The following SLK variants were observed in gnomAD, a reference collection of about 807,000 sequenced individuals.
The protein encoded by SLK is STE20-like serine/threonine-protein kinase.
SLK carries 67 observed loss-of-function variants against 147.7 expected under a neutral mutation model. The observed-to-expected ratio is 0.45, with a 90% confidence interval of 0.37 to 0.56. SLK has a LOEUF of 0.56. Ranked by LOEUF, SLK falls within the 20% of genes least tolerant of loss-of-function variation. The pLI, the probability that SLK is intolerant of heterozygous loss-of-function variation, is 0.00. For synonymous variants in SLK, 441 were observed against 475.0 expected (o/e 0.93, Z 0.93); for missense variants, 1,136 against 1,438.8 (o/e 0.79, Z 3.41).
Position 103,990,784 on chromosome 10 carries a change from A to G in SLK, c.260A>G (p.Asp87Gly). The change falls in exon 2 of 19, where the codon GAT becomes GGT. Residue 87 changes from aspartate to glycine, a missense_variant. This residue lies in a region of SLK where 126 missense variants were observed against 141.3 expected (regional missense o/e 0.89). Transcript: ENST00000369755. ...MVEIDILASC[D>G]HPNIVKLLDA... ...GAGATTGACATATTAGCATCTTGTGATCACCCAAATATAGTCAAGCTTCTA... is the reference window on the plus strand; with the variant it reads ...GAGATTGACATATTAGCATCTTGTGGTCACCCAAATATAGTCAAGCTTCTA... 6.4e-7 allele frequency: 1 copy of G among 1,567,002 alleles called. No homozygotes were observed. The highest frequency in any genetic ancestry group is 8.6e-7 in the Non-Finnish European group (1 of 1,161,420).
intron 18 of SLK, among the ~76,000 whole-genome samples, chr10:104,022,462 CAAACTT>C (rs770252876): frequency 2.1e-4 from 32 of 152,188 alleles, no homozygotes; most frequent in Non-Finnish European, 3.7e-4. Context: ...CTTCGTTACT[CAAACTT>C]AAACCTTTGT....
At chr10:103,994,541 G>C (rs1022820297) in intron 4 of SLK, among the ~76,000 whole-genome samples, 1 of 152,026 alleles carries the variant, frequency 6.6e-6, no homozygotes, top group Non-Finnish European at 1.5e-5. Context: ...TGGGGGATGA[G>C]GGCAATATCA....
rs756872081 is a variant in SLK, at chr10:104,018,787, G to A, written c.3011G>A (p.Arg1004Gln). The change falls in exon 15 of 19, where the codon CGA becomes CAA. Residue 1004 changes from arginine (R) to glutamine (Q), a missense_variant. Arg to Gln is a conservative substitution (Grantham distance 43). This residue lies in a region of SLK where 327 missense variants were observed against 457.5 expected (regional missense o/e 0.71). Transcript: ENST00000369755. ...LNNKQQLMRA[R>Q]EAAIWELEER... Reference sequence around the variant, plus strand: ...TTTGAAAACTGCTGTCTTCTAGCTCGAGAAGCTGCAATTTGGGAGCTCGAA... The same window carrying A: ...TTTGAAAACTGCTGTCTTCTAGCTCAAGAAGCTGCAATTTGGGAGCTCGAA... 12 of 1,609,730 alleles carry A rather than the reference G, an allele frequency of 7.5e-6. No individual in the cohort carries two copies. The highest frequency in any genetic ancestry group is 1.0e-5 in the Non-Finnish European group (12 of 1,178,940).
At position 103,990,659 on chromosome 10, in the gene SLK, A is replaced by G. The variant is rs776442760; in HGVS notation, c.151-16A>G. On this transcript the variant is annotated splice_polypyrimidine_tract_variant and intron_variant, in intron 1 of 18. Coordinates refer to ENST00000369755, the MANE Select transcript of SLK (RefSeq NM_014720.4). Reference sequence around the variant, plus strand: ...ATGCATTTGAAATGTGACACTTCTGATACTTTCATTTTCAGGCCCAGAATA... The same window carrying G: ...ATGCATTTGAAATGTGACACTTCTGGTACTTTCATTTTCAGGCCCAGAATA... The G allele has an allele frequency of 6.7e-7, 1 of 1,498,920 alleles. No homozygotes were observed. The highest frequency in any genetic ancestry group is 8.9e-7 in the Non-Finnish European group (1 of 1,121,680). 92.9% of individuals were successfully genotyped at this position (1,498,920 alleles called of 1,614,324 possible).
chr10:103,988,472 A>T (rs1275794196), intron 1 of SLK, among the ~76,000 whole-genome samples: 1 of 43,554 alleles, frequency 2.3e-5, no homozygotes, highest in Non-Finnish European at 7.6e-5. Context: ...GATTTTTCAC[A>T]AAAAAAATTT....
Position 103,967,694 on chromosome 10 carries a change from C to G in SLK, c.-52C>G. 6.3e-7 allele frequency: 1 copy of G among 1,576,720 alleles called. No homozygotes were observed. Reference sequence around the variant, plus strand: ...GGAGAGCAGGGAAGAGAAACTTTGCCTTTTATTGTTTTTAGTCCTTAAGTG... The same window carrying G: ...GGAGAGCAGGGAAGAGAAACTTTGCGTTTTATTGTTTTTAGTCCTTAAGTG... On this transcript the variant is annotated 5_prime_UTR_variant, in exon 1 of 19. Coordinates refer to ENST00000369755, the MANE Select transcript of SLK (RefSeq NM_014720.4).
intron 7 of SLK, among the ~76,000 whole-genome samples, chr10:104,000,634 G>C (rs1216601167): frequency 7.2e-5 from 11 of 152,152 alleles, no homozygotes; most frequent in Admixed American, 5.9e-4. Context: ...GAGTAAAATG[G>C]CTTCTCATTC....
chr10:104,004,279 G>A (rs1458757097), intron 9 of SLK, among the ~76,000 whole-genome samples: 1 of 152,020 alleles, frequency 6.6e-6, no homozygotes, highest in Non-Finnish European at 1.5e-5. Context: ...CAAATTCCTA[G>A]GATTTTCTTA....
At chr10:104,008,550 A>T (rs1844359348) in intron 12 of SLK, among the ~76,000 whole-genome samples, 194 bp downstream of exon 12, 3 of 152,218 alleles carry the variant, frequency 2.0e-5, no homozygotes, top group Non-Finnish European at 4.4e-5. Flanking sequence ...ACTGCCAAGA[A>T]AACTGGAGTA....
In SLK at chr10:104,002,542, T is replaced by A; in HGVS notation, c.1364T>A (p.Ile455Lys). Residue 455 changes from isoleucine (I) to lysine (K), a missense_variant, in exon 9 of 19, where the codon ATA becomes AAA. Around this residue, in one of 6 missense-constraint regions of SLK, gnomAD observed 516 missense variants for 531.3 expected, o/e 0.97. Coordinates refer to ENST00000369755, the MANE Select transcript of SLK (RefSeq NM_014720.4). ...NSVSEGKENNIMITLETNIEH... is the reference protein window; with the variant it reads ...NSVSEGKENNKMITLETNIEH... Reference sequence around the variant, plus strand: ...GTCAGTGAAGGAAAAGAGAATAATATAATGATAACCTTAGAAACAAATATT... The same window carrying A: ...GTCAGTGAAGGAAAAGAGAATAATAAAATGATAACCTTAGAAACAAATATT... The A allele has an allele frequency of 1.2e-6, 2 of 1,608,834 alleles. No homozygotes were observed. Among genetic ancestry groups the A allele is most frequent in the Non-Finnish European group, 1.7e-6 (2 of 1,177,794 alleles).
intron 1 of SLK, among the ~76,000 whole-genome samples, chr10:103,978,073 T>C (rs985474701): frequency 4.6e-5 from 7 of 152,194 alleles, no homozygotes; most frequent in African/African-American, 1.7e-4. Context: ...TTTGTTTTTT[T>C]CACTTGTCTA....
chr10:103,971,460 G>A (rs1042767451), intron 1 of SLK, among the ~76,000 whole-genome samples: 15 of 152,288 alleles, frequency 9.8e-5, no homozygotes, highest in African/African-American at 3.1e-4. Context: ...ATTTTTAGTA[G>A]AGACGGGGTT....
chr10:104,026,003 A>ATG lies in SLK; in HGVS notation c.*283_*284insTG. The ATG allele has an allele frequency of 1.1e-5, 3 of 278,300 alleles. No individual in the cohort carries two copies. Among genetic ancestry groups the ATG allele is most frequent in the Non-Finnish European group, 6.7e-6 (1 of 150,126 alleles). The allele number at this position is 278,300 out of a possible 1,614,324, so 17.2% of individuals were successfully genotyped here. ...ATGTTCTTTAGACACTGCTACCTGA[A>ATG]AACTGTTGGAGAAATAATGTTTAAA... On this transcript the variant is annotated 3_prime_UTR_variant, in exon 19 of 19. Transcript: ENST00000369755.
chr10:103,983,641 T>C (rs1464707271), intron 1 of SLK, among the ~76,000 whole-genome samples: 1 of 149,390 alleles, frequency 6.7e-6, no homozygotes, highest in Non-Finnish European at 1.5e-5. Flanking sequence ...TGTCTGCTTG[T>C]TACTTTGACC....
Position 103,985,715 on chromosome 10 carries a change from A to T in SLK, c.151-4960A>T, listed in dbSNP as rs543403640. ...AGTTTCCAGCTAAAAATTTTATTAAAATATATTCTTCACTATGAAATACTA... is the reference window on the plus strand; with the variant it reads ...AGTTTCCAGCTAAAAATTTTATTAATATATATTCTTCACTATGAAATACTA... On this transcript the variant is annotated intron_variant, in intron 1 of 18. Coordinates refer to ENST00000369755, the MANE Select transcript of SLK (RefSeq NM_014720.4). 1.6e-4 allele frequency among the ~76,000 whole-genome samples: 25 copies of T among 152,320 alleles called. No homozygotes were observed. In the East Asian group the frequency reaches 4.8e-3, roughly 29 times the overall value.
At chr10:103,990,472 C>G (rs1302360605) in intron 1 of SLK, among the ~76,000 whole-genome samples, 1 of 152,174 alleles carries the variant, frequency 6.6e-6, no homozygotes, top group East Asian at 1.9e-4. Flanking sequence ...GAACCTAAAA[C>G]TTTCCTTTAT....
intron 18 of SLK, 123 bp from the exon 19 acceptor site, chr10:104,025,451 G>A (rs536366469): frequency 2.9e-5 from 25 of 872,696 alleles, no homozygotes; most frequent in African/African-American, 1.9e-4. Flanking sequence ...TTGAGCAGGC[G>A]TGTCTTCTTG....
intron 1 of SLK, 85 bp downstream of exon 1, chr10:103,967,980 T>C: frequency 7.3e-7 from 1 of 1,361,946 alleles, no homozygotes; most frequent in Non-Finnish European, 1.0e-6. Flanking sequence ...GCTCCCCTGG[T>C]CCTTATCCTG....
At chr10:103,974,826 A>ATT (rs749565693) in intron 1 of SLK, 702 of 55,456 alleles carry the variant, frequency 0.013, 81 homozygotes, top group African/African-American at 0.034. Context: ...AATTTTTTCT[A>ATT]TTTTTTTTTT....
Sources: allele counts gnomAD v4.1 joint callset (sites outside exome capture counted in the v4.1 genomes callset), GRCh38; gene constraint gnomAD v4.1.1; regional missense constraint gnomAD v4.1.1; transcripts MANE v1.5; gene names NCBI Gene and HGNC (gene_info 2026-07-23, HGNC 2026-07-21).